PTPRM: variants seen among roughly 807,000 people sequenced by gnomAD.
The protein encoded by PTPRM is protein tyrosine phosphatase receptor type M.
A neutral mutation model predicts 186.7 loss-of-function variants in PTPRM; 47 were observed. That is an observed-to-expected ratio of 0.25 (90% CI 0.20 to 0.32). PTPRM has a LOEUF of 0.32. PTPRM is among the 10% of genes least tolerant of loss of function. The probability of loss-of-function intolerance (pLI) is 1.00; values close to 1 mark genes in which losing one functional copy is unlikely to be tolerated. For synonymous variants in PTPRM, 668 were observed against 674.9 expected (o/e 0.99, Z 0.16); for missense variants, 1,494 against 1,865.0 (o/e 0.80, Z 3.66).
chr18:8,173,630 C>T (rs189325360), intron 14 of PTPRM, among the ~76,000 whole-genome samples: 18 of 152,322 alleles, frequency 1.2e-4, no homozygotes, highest in Non-Finnish European at 1.6e-4. Context: ...AAATCAATCT[C>T]TCCAAACATT....
At chr18:8,177,662 G>A (rs2093506144) in intron 14 of PTPRM, among the ~76,000 whole-genome samples, 1 of 152,246 alleles carries the variant, frequency 6.6e-6, no homozygotes, top group Admixed American at 6.5e-5. Flanking sequence ...AGGGGCATAA[G>A]GCTGAGTGAG....
chr18:8,265,114 C>T (rs533291901), intron 19 of PTPRM, among the ~76,000 whole-genome samples: 1 of 152,140 alleles, frequency 6.6e-6, no homozygotes, highest in Non-Finnish European at 1.5e-5. Flanking sequence ...CTTTGAACAG[C>T]GATTTGTTCT....
At chr18:8,040,309 T>C (rs1053211995) in intron 7 of PTPRM, among the ~76,000 whole-genome samples, 1 of 152,148 alleles carries the variant, frequency 6.6e-6, no homozygotes, top group Non-Finnish European at 1.5e-5. Flanking sequence ...ATTTTTCTAT[T>C]TGGGTGATTA....
In PTPRM at chr18:8,069,970, C is replaced by G; in HGVS notation, c.1417C>G (p.Leu473Val). 1 of 1,613,868 alleles carries G rather than the reference C, an allele frequency of 6.2e-7. No homozygotes were observed. Among genetic ancestry groups the G allele is most frequent in the Non-Finnish European group, 8.5e-7 (1 of 1,179,812 alleles). The change falls in exon 8 of 33, where the codon CTC (leucine) becomes GTC (valine). Residue 473 changes from leucine (L) to valine (V), a missense_variant. Transcript: ENST00000580170. ...NPEGRKESQE[L>V]IVQTDEDLPG... ...AGAGGGCCGGAAGGAAAGCCAAGAA[C>G]TCATAGTGCAGACAGATGAAGACCG...
intron 1 of PTPRM, among the ~76,000 whole-genome samples, chr18:7,719,217 A>C (rs144215798): frequency 6.6e-6 from 1 of 152,350 alleles, no homozygotes; most frequent in Non-Finnish European, 1.5e-5. Context: ...CTCAGCCATA[A>C]AATGGAATGA....
chr18:8,305,492 C>A (rs779048206), intron 20 of PTPRM, among the ~76,000 whole-genome samples: 2 of 152,118 alleles, frequency 1.3e-5, no homozygotes, highest in Admixed American at 6.5e-5. Flanking sequence ...TATTGTTATT[C>A]CCATTTTACA....
intron 13 of PTPRM, among the ~76,000 whole-genome samples, chr18:8,125,307 T>C (rs2092304810): frequency 6.6e-6 from 1 of 152,116 alleles, no homozygotes; most frequent in African/African-American, 2.4e-5. Context: ...TGTGGAATGC[T>C]AGGACATTTC....
chr18:7,875,294 C>G (rs925214617), intron 2 of PTPRM, among the ~76,000 whole-genome samples: 2 of 151,452 alleles, frequency 1.3e-5, no homozygotes, highest in Non-Finnish European at 2.9e-5. Context: ...GGATACTATG[C>G]GTATCAGTGA....
chr18:7,944,514 A>C (rs2146991330), intron 5 of PTPRM, among the ~76,000 whole-genome samples: 1 of 152,296 alleles, frequency 6.6e-6, no homozygotes, highest in Non-Finnish European at 1.5e-5. Context: ...ATACACTGAA[A>C]TCTTTAACAT....
At chr18:7,737,524 CATAGATTAG>C (rs1260151699) in intron 1 of PTPRM, among the ~76,000 whole-genome samples, 1 of 152,182 alleles carries the variant, frequency 6.6e-6, no homozygotes, top group East Asian at 1.9e-4. Flanking sequence ...AGTTTGTTCC[CATAGATTAG>C]ACAGACTCCA....
rs73389772 is a variant in PTPRM at position 8,164,997 on chromosome 18, C to T, written c.2300+21218C>T. The stretch of plus-strand genomic sequence containing the variant: ...GGCCATCCTGGTTGAGTGGAAACCC[C>T]GTCTCCACTAAAAATACAAAAATTA... On this transcript the variant is annotated intron_variant, in intron 14 of 32. Transcript: ENST00000580170. Among the ~76,000 whole-genome samples, 194 of 151,934 alleles carry T rather than the reference C, an allele frequency of 1.3e-3. 1 individual carries two copies. Among genetic ancestry groups the T allele is most frequent in the African/African-American group, 4.1e-3 (169 of 41,446 alleles).
intron 14 of PTPRM, among the ~76,000 whole-genome samples, chr18:8,236,705 T>G (rs1163276701): frequency 3.3e-5 from 5 of 151,754 alleles, no homozygotes; most frequent in African/African-American, 1.2e-4. Context: ...CTATGTCTGG[T>G]TAATTTTTGT....
intron 14 of PTPRM, among the ~76,000 whole-genome samples, chr18:8,228,245 A>G (rs1366009895): frequency 6.6e-6 from 1 of 152,072 alleles, no homozygotes; most frequent in Non-Finnish European, 1.5e-5. Flanking sequence ...ACTGATCTGT[A>G]TGGGGCACTC....
intron 7 of PTPRM, among the ~76,000 whole-genome samples, chr18:7,996,863 T>C (rs1302078040): frequency 1.3e-5 from 2 of 150,236 alleles, no homozygotes; most frequent in East Asian, 3.9e-4. Flanking sequence ...GTGAAACCTC[T>C]AAAACACTAA....
In PTPRM at chr18:7,726,496, C is replaced by G. The variant is rs143621112; in HGVS notation, c.74-47653C>G. Among the ~76,000 whole-genome samples, 591 of 152,202 alleles carry G rather than the reference C, an allele frequency of 3.9e-3. 5 individuals are homozygous for G. Among genetic ancestry groups the G allele is most frequent in the African/African-American group, 0.014 (566 of 41,544 alleles). On this transcript the variant is annotated intron_variant, in intron 1 of 32. Transcript: ENST00000580170. ...AAGCTCTCATAGAAGGATTACTAAT[C>G]TTTTACTTGCACACTTCTGGTACCC...
chr18:8,161,051 G>A (rs1424435703), intron 14 of PTPRM, among the ~76,000 whole-genome samples: 2 of 152,162 alleles, frequency 1.3e-5, no homozygotes, highest in Non-Finnish European at 2.9e-5. Flanking sequence ...GATATGTTCA[G>A]CTATCAATGA....
intron 1 of PTPRM, among the ~76,000 whole-genome samples, chr18:7,701,034 G>A (rs188283175): frequency 3.5e-4 from 53 of 150,504 alleles, no homozygotes; most frequent in South Asian, 1.5e-3. Context: ...AGCCATGTGC[G>A]GTGGCTCACA....
intron 1 of PTPRM, among the ~76,000 whole-genome samples, chr18:7,581,423 A>T (rs1567966095): frequency 6.6e-6 from 1 of 152,188 alleles, no homozygotes; most frequent in Non-Finnish European, 1.5e-5. Flanking sequence ...CTGGACGAAA[A>T]GCAGCAAACT....
chr18:8,280,025 C>T (rs755188623), intron 19 of PTPRM, among the ~76,000 whole-genome samples: 1 of 151,528 alleles, frequency 6.6e-6, no homozygotes, highest in Non-Finnish European at 1.5e-5. Context: ...AATGTGTGTG[C>T]AGCCGTGACT....
Sources: allele counts gnomAD v4.1 joint callset (sites outside exome capture counted in the v4.1 genomes callset), GRCh38; gene constraint gnomAD v4.1.1; transcripts MANE v1.5; gene names NCBI Gene and HGNC (gene_info 2026-07-23, HGNC 2026-07-21).